The following PCDHA8 variants were observed in gnomAD, a reference collection of about 807,000 sequenced individuals.
PCDHA8 encodes the protein protocadherin alpha-8.
In PCDHA8, 53 loss-of-function variants were observed where a neutral mutation model predicts 61.8. That is an observed-to-expected ratio of 0.86 (90% CI 0.69 to 1.08). PCDHA8 has a LOEUF of 1.08. PCDHA8 is among the 50% of genes least tolerant of loss of function. The pLI, the probability that PCDHA8 is intolerant of heterozygous loss-of-function variation, is 0.00. For missense variants in PCDHA8, 1,293 were observed against 1,245.0 expected (o/e 1.04, Z -0.58); for synonymous variants, 618 against 556.6 (o/e 1.11, Z -1.55).
intron 1 of PCDHA8, among the ~76,000 whole-genome samples, chr5:140,936,121 G>C (rs1381895785): frequency 6.6e-6 from 1 of 152,068 alleles, no homozygotes; most frequent in Non-Finnish European, 1.5e-5. Flanking sequence ...TCGAACTCCT[G>C]ACCTTAAGTG....
rs2150459394 is a variant in PCDHA8 at position 140,849,947 on chromosome 5, G to A, written c.2394+6232G>A. ...CGGTGTCTGCGCGGGACGCTGACGC[G>A]CAGGAGAACGCCCTGGTGTCCTACT... On this transcript the variant is annotated intron_variant, in intron 1 of 3. Transcript: ENST00000531613. 23 of 1,597,838 alleles carry A rather than the reference G, an allele frequency of 1.4e-5. 5 individuals carry two copies. The highest frequency in any genetic ancestry group is 3.3e-5 in the South Asian group (3 of 90,532).
chr5:140,891,612 T>C (rs182874243), intron 1 of PCDHA8, among the ~76,000 whole-genome samples: 2 of 152,350 alleles, frequency 1.3e-5, no homozygotes, highest in Admixed American at 1.3e-4. Context: ...TTCTACCTTT[T>C]ATTTTAACAC....
chr5:141,006,843 T>A (rs2098291274), intron 3 of PCDHA8, among the ~76,000 whole-genome samples: 1 of 152,154 alleles, frequency 6.6e-6, no homozygotes, highest in Non-Finnish European at 1.5e-5. Context: ...TTACTGAAAC[T>A]GGAAAGATTT....
chr5:140,873,534 T>C (rs1274405604), intron 1 of PCDHA8, among the ~76,000 whole-genome samples: 1 of 152,184 alleles, frequency 6.6e-6, no homozygotes, highest in Non-Finnish European at 1.5e-5. Context: ...CATTCTATGG[T>C]ATAAAATTAT....
chr5:140,852,883 G>GT, intron 1 of PCDHA8: 1 of 933,168 alleles, frequency 1.1e-6, no homozygotes, highest in Non-Finnish European at 1.3e-6. Context: ...ATCATAAAAC[G>GT]TATTTTTTTT....
At chr5:140,947,439 G>C (rs2094135272) in intron 1 of PCDHA8, among the ~76,000 whole-genome samples, 1 of 151,638 alleles carries the variant, frequency 6.6e-6, no homozygotes, top group African/African-American at 2.4e-5. Flanking sequence ...AAAATCAGCT[G>C]TGAAATCCTC....
Position 140,843,169 on chromosome 5 carries a change from C to A in PCDHA8, c.1848C>A (p.Ser616Arg). 6.3e-7 allele frequency: 1 copy of A among 1,596,092 alleles called. No individual in the cohort carries two copies. Among genetic ancestry groups the A allele is most frequent in the South Asian group, 1.1e-5 (1 of 90,510 alleles). Residue 616 changes from serine to arginine, a missense_variant, in exon 1 of 4, where the codon AGC becomes AGA. By Grantham distance (110) the Ser-to-Arg change is moderately radical. Transcript: ENST00000531613. ...WLSYELQPAA[S>R]SPRIPFRVGL... ...CGTATGAGCTGCAGCCAGCTGCAAG[C>A]AGCCCTCGCATCCCGTTCCGCGTGG...
At chr5:140,877,535 A>T in intron 1 of PCDHA8, 1 of 1,613,750 alleles carries the variant, frequency 6.2e-7, no homozygotes, top group Admixed American at 1.7e-5. Flanking sequence ...GGCGCTGTGG[A>T]TCCCGAAGCG....
intron 3 of PCDHA8, among the ~76,000 whole-genome samples, chr5:140,996,287 A>C (rs1200123512): frequency 2.0e-5 from 3 of 152,258 alleles, no homozygotes; most frequent in African/African-American, 4.8e-5. Context: ...AAATTTCAAG[A>C]AGCACAGATT....
chr5:140,875,248 G>A, intron 1 of PCDHA8: 5 of 999,174 alleles, frequency 5.0e-6, no homozygotes, highest in Non-Finnish European at 6.9e-6. Flanking sequence ...TACATAATCA[G>A]TCACATGATG....
chr5:141,000,361 GTCTCTCTCTCTCTCTC>G (rs148596731), intron 3 of PCDHA8, among the ~76,000 whole-genome samples: 6 of 26,448 alleles, frequency 2.3e-4, no homozygotes, highest in African/African-American at 1.2e-3. Context: ...GTCTCTCTCT[GTCTCTCTCTCTCTCTC>G]TCTCTCTCTC....
chr5:140,881,127 A>G (rs1274793505), intron 1 of PCDHA8, among the ~76,000 whole-genome samples: 1 of 152,234 alleles, frequency 6.6e-6, no homozygotes, highest in Non-Finnish European at 1.5e-5. Context: ...GTGGCTTGGT[A>G]GAGATAGTTA....
In PCDHA8 at chr5:140,969,369, C is replaced by A. The variant is rs782020561; in HGVS notation, c.2395-9580C>A. The A allele has an allele frequency of 1.3e-5, 21 of 1,607,718 alleles. 2 individuals carry two copies. In the South Asian group the frequency reaches 2.3e-4, roughly 18 times the overall value. ...TCAGGGGGTCTTCTACAAACTCATG[C>A]ATTTGTTACACATCCCCCAATATCC... is the stretch of plus-strand genomic sequence containing the variant. On this transcript the variant is annotated intron_variant, in intron 1 of 3. Transcript: ENST00000531613.
intron 1 of PCDHA8, chr5:140,871,170 G>A (rs2052777446): frequency 1.2e-6 from 2 of 1,613,536 alleles, no homozygotes; most frequent in Non-Finnish European, 1.7e-6. Context: ...CGAGCCCAGA[G>A]GCTGCGCTGG....
intron 1 of PCDHA8, among the ~76,000 whole-genome samples, chr5:140,955,517 C>T (rs1554221970): frequency 6.6e-6 from 1 of 152,154 alleles, no homozygotes; most frequent in African/African-American, 2.4e-5. Flanking sequence ...TGTTTGCTTT[C>T]CCTTCCACCA....
intron 1 of PCDHA8, chr5:140,928,160 C>T (rs782224079): frequency 1.2e-6 from 2 of 1,614,094 alleles, no homozygotes; most frequent in Non-Finnish European, 1.7e-6. Context: ...AGTGGCTCAC[C>T]CCCACTTAGC....
At chr5:140,961,558 A>T (rs1285175060) in intron 1 of PCDHA8, among the ~76,000 whole-genome samples, 1 of 151,976 alleles carries the variant, frequency 6.6e-6, no homozygotes, top group Admixed American at 6.6e-5. Context: ...TTCTTTTTTT[A>T]AATTTTGTTT....
intron 1 of PCDHA8, chr5:140,852,028 TATTG>T (rs1203440654): frequency 2.1e-6 from 2 of 942,992 alleles, no homozygotes; most frequent in Admixed American, 6.3e-5. Flanking sequence ...AAACTTCGCT[TATTG>T]AGTTTTTGTT....
intron 1 of PCDHA8, among the ~76,000 whole-genome samples, chr5:140,977,613 G>T (rs1554238687): frequency 2.0e-5 from 3 of 152,150 alleles, no homozygotes; most frequent in African/African-American, 7.2e-5. Flanking sequence ...TTGAGGTAAA[G>T]TATCCCAGAG....
Sources: gnomAD v4.1 joint callset for allele counts (sites outside exome capture counted in the v4.1 genomes callset) on GRCh38, gnomAD v4.1.1 for gene constraint, MANE v1.5 for transcripts, NCBI Gene and HGNC (gene_info 2026-07-23, HGNC 2026-07-21) for gene names.